The following SYT1 variants were observed in gnomAD, a reference collection of about 807,000 sequenced individuals.
SYT1 encodes synaptotagmin-1.
In SYT1, 8 loss-of-function variants were observed where a neutral mutation model predicts 44.8. The observed-to-expected ratio is 0.18, with a 90% CI of 0.10 to 0.32. SYT1 has a LOEUF of 0.32. Among genes scored for constraint, SYT1 ranks in the 10% least tolerant of loss-of-function variants. The pLI, the probability that SYT1 is intolerant of heterozygous loss-of-function variation, is 1.00. For missense variants in SYT1, 286 were observed against 509.3 expected, an observed-to-expected ratio of 0.56 and a Z score of 4.22; for synonymous variants, 154 against 188.8, an observed-to-expected ratio of 0.82 and a Z score of 1.51.
intron 9 of SYT1, among the ~76,000 whole-genome samples, chr12:79,440,697 G>C (rs112100317): frequency 4.6e-5 from 7 of 152,056 alleles, no homozygotes; most frequent in African/African-American, 1.7e-4. Context: ...CAAGGATTTC[G>C]CTTTGCAGAA....
intron 8 of SYT1, among the ~76,000 whole-genome samples, chr12:79,331,080 C>T (rs1881834540): frequency 1.3e-5 from 2 of 152,156 alleles, no homozygotes; most frequent in African/African-American, 4.8e-5. Context: ...TTCAATTTTA[C>T]CCTCACATGC....
At chr12:78,934,295 T>C (rs1412730698) in intron 1 of SYT1, among the ~76,000 whole-genome samples, 1 of 151,664 alleles carries the variant, frequency 6.6e-6, no homozygotes, top group Non-Finnish European at 1.5e-5. Flanking sequence ...AATCACAGGG[T>C]GAATCACTTG....
At chr12:79,053,954 G>A (rs1486092877) in intron 3 of SYT1, among the ~76,000 whole-genome samples, 1 of 151,962 alleles carries the variant, frequency 6.6e-6, no homozygotes, top group Non-Finnish European at 1.5e-5. Flanking sequence ...GCCTAAGAGA[G>A]TTCATATATA....
In SYT1 at chr12:79,449,163, C is replaced by CTCTT; in HGVS notation, c.*41_*44dup. ...CCTTTCTGCATTTGCCCATATAGTG[C>CTCTT]TCTTTAGCCAGTATCTGTAAATACC... is the stretch of plus-strand genomic sequence containing the variant. On this transcript the variant is annotated 3_prime_UTR_variant, in exon 11 of 11. Coordinates refer to ENST00000261205, the MANE Select transcript of SYT1 (RefSeq NM_005639.3). 6.4e-7 allele frequency: 1 copy of CTCTT among 1,556,384 alleles called. No individual in the cohort carries two copies.
intron 9 of SYT1, among the ~76,000 whole-genome samples, chr12:79,377,935 T>A (rs893953601): frequency 1.3e-5 from 2 of 152,174 alleles, no homozygotes; most frequent in African/African-American, 4.8e-5. Context: ...TTTCTTAAGT[T>A]TTTCAAACTG....
At chr12:79,311,750 C>T (rs1246246223) in intron 8 of SYT1, among the ~76,000 whole-genome samples, 1 of 146,850 alleles carries the variant, frequency 6.8e-6, no homozygotes, top group Non-Finnish European at 1.5e-5. Flanking sequence ...TCATCATTCT[C>T]AGTAAACTAT....
chr12:79,083,572 T>C (rs1022997556), intron 3 of SYT1, among the ~76,000 whole-genome samples: 2 of 152,142 alleles, frequency 1.3e-5, no homozygotes, highest in Non-Finnish European at 2.9e-5. Flanking sequence ...AAAAAGCAAA[T>C]TGCTAAAAAT....
intron 2 of SYT1, among the ~76,000 whole-genome samples, chr12:78,997,538 C>A (rs1396803404): frequency 6.6e-6 from 1 of 152,088 alleles, no homozygotes; most frequent in East Asian, 1.9e-4. Context: ...CCTTGAGTTT[C>A]TTTTCTCTTG....
intron 3 of SYT1, among the ~76,000 whole-genome samples, chr12:79,194,495 A>G (rs960252234): frequency 6.6e-6 from 1 of 151,818 alleles, no homozygotes; most frequent in Non-Finnish European, 1.5e-5. Context: ...GGGTCTCACT[A>G]TGTTGCCCAG....
intron 3 of SYT1, among the ~76,000 whole-genome samples, chr12:79,087,536 G>C (rs1188574832): frequency 6.6e-6 from 1 of 152,116 alleles, no homozygotes; most frequent in Non-Finnish European, 1.5e-5. Context: ...GTGATGAATA[G>C]GACTAGTTCC....
At chr12:79,002,113 G>A (rs1870777379) in intron 2 of SYT1, among the ~76,000 whole-genome samples, 1 of 151,976 alleles carries the variant, frequency 6.6e-6, no homozygotes, top group South Asian at 2.1e-4. Context: ...TTATAAAAAA[G>A]TATAAAAATA....
At chr12:78,965,341 T>C (rs1471435032) in intron 1 of SYT1, among the ~76,000 whole-genome samples, 2 of 152,196 alleles carry the variant, frequency 1.3e-5, no homozygotes, top group Admixed American at 6.5e-5. Context: ...ACTATGAGCA[T>C]AGAACAATAA....
At chr12:79,148,136 A>G (rs990389398) in intron 3 of SYT1, among the ~76,000 whole-genome samples, 1 of 152,210 alleles carries the variant, frequency 6.6e-6, no homozygotes, top group Non-Finnish European at 1.5e-5. Context: ...TTGGATTGCA[A>G]TCATAGGCAT....
intron 2 of SYT1, among the ~76,000 whole-genome samples, chr12:78,984,029 A>C (rs1381241005): frequency 6.6e-6 from 1 of 151,986 alleles, no homozygotes; most frequent in Non-Finnish European, 1.5e-5. Context: ...AATATTTACA[A>C]CCACAGTTTC....
intron 3 of SYT1, among the ~76,000 whole-genome samples, chr12:79,064,628 G>A (rs1875625531): frequency 6.6e-6 from 1 of 151,722 alleles, no homozygotes; most frequent in African/African-American, 2.4e-5. Context: ...GAAGACTAAG[G>A]GATTTTACCT....
chr12:78,986,511 T>G (rs548750299), intron 2 of SYT1, among the ~76,000 whole-genome samples: 1 of 152,084 alleles, frequency 6.6e-6, no homozygotes, highest in African/African-American at 2.4e-5. Flanking sequence ...AAGTTAAAAA[T>G]AAATATATTT....
chr12:79,079,278 G>T (rs1876869672), intron 3 of SYT1, among the ~76,000 whole-genome samples: 1 of 151,948 alleles, frequency 6.6e-6, no homozygotes, highest in Non-Finnish European at 1.5e-5. Context: ...ATTTTACTTT[G>T]ATGTATAATC....
chr12:79,117,702 T>C (rs1450804284), intron 3 of SYT1, among the ~76,000 whole-genome samples: 3 of 100,014 alleles, frequency 3.0e-5, no homozygotes, highest in Non-Finnish European at 4.1e-5. Context: ...TATATATATA[T>C]ATATATATAT....
At chr12:79,212,845 G>T (rs1299306433) in intron 3 of SYT1, among the ~76,000 whole-genome samples, 2 of 152,192 alleles carry the variant, frequency 1.3e-5, no homozygotes, top group Non-Finnish European at 2.9e-5. Context: ...CTAAATCTGT[G>T]TAGGACCAAT....
Sources: gnomAD v4.1 joint callset for allele counts (sites outside exome capture counted in the v4.1 genomes callset) on GRCh38, gnomAD v4.1.1 for gene constraint, MANE v1.5 for transcripts, NCBI Gene and HGNC (gene_info 2026-07-23, HGNC 2026-07-21) for gene names.